RIMS1: variants seen among roughly 807,000 people sequenced by gnomAD.
RIMS1 encodes regulating synaptic membrane exocytosis 1.
Under a neutral mutation model 214.1 loss-of-function variants are expected in RIMS1, and 83 were observed. The ratio of observed to expected loss-of-function variants is 0.39; its 90% CI spans 0.32 to 0.47. The LOEUF is 0.47. Among genes scored for constraint, RIMS1 ranks in the 20% least tolerant of loss-of-function variants. The probability of loss-of-function intolerance (pLI) is 0.99; values close to 1 mark genes in which losing one functional copy is unlikely to be tolerated. For synonymous variants in RIMS1, 793 were observed against 786.8 expected, an observed-to-expected ratio of 1.01 and a Z score of -0.13; for missense variants, 2,050 against 2,161.8, an observed-to-expected ratio of 0.95 and a Z score of 1.03.
intron 26 of RIMS1, among the ~76,000 whole-genome samples, chr6:72,300,635 G>T (rs1303288373): frequency 2.0e-5 from 3 of 151,768 alleles, no homozygotes; most frequent in Non-Finnish European, 4.4e-5. Flanking sequence ...CATCTTATGG[G>T]AGATAGTGTT....
At chr6:72,020,418 C>T (rs945620171) in intron 2 of RIMS1, among the ~76,000 whole-genome samples, 1 of 152,174 alleles carries the variant, frequency 6.6e-6, no homozygotes, top group African/African-American at 2.4e-5. Context: ...AAGCCATGTT[C>T]TAAACCCAAG....
At chr6:72,250,185 A>C (rs1299994146) in intron 12 of RIMS1, 145 bp from the exon 13 acceptor site, 2 of 728,170 alleles carry the variant, frequency 2.7e-6, no homozygotes, top group Admixed American at 3.4e-5. Context: ...TATGCTTTCA[A>C]ATTGGTGTGT....
At chr6:72,117,431 T>TTA (rs2037309084) in intron 4 of RIMS1, among the ~76,000 whole-genome samples, 1 of 151,952 alleles carries the variant, frequency 6.6e-6, no homozygotes, top group Admixed American at 6.6e-5. Context: ...TTGTTGACTT[T>TTA]CTCTCTTGAT....
intron 1 of RIMS1, among the ~76,000 whole-genome samples, chr6:71,942,376 A>G (rs1786429375): frequency 6.6e-6 from 1 of 152,210 alleles, no homozygotes; most frequent in South Asian, 2.1e-4. Context: ...TGATCACTCT[A>G]AATTTAGTTA....
chr6:72,177,490 G>T (rs1445920432), intron 4 of RIMS1, among the ~76,000 whole-genome samples: 1 of 152,120 alleles, frequency 6.6e-6, no homozygotes, highest in South Asian at 2.1e-4. Flanking sequence ...GACCTCAGAA[G>T]ATCTGCTCCC....
rs1394442473 is a variant in RIMS1 at position 71,984,874 on chromosome 6, G to A, written c.245+15811G>A. ...TATCCATCTATCTATAAGCTGATGA[G>A]GGTGGTATAAAAGGAAAGTCCAACA... On this transcript the variant is annotated intron_variant, in intron 2 of 33. Transcript: ENST00000521978. 2.6e-5 allele frequency among the ~76,000 whole-genome samples: 4 copies of A among 151,762 alleles called. No homozygotes were observed. The East Asian group carries it at 7.7e-4, about 29-fold the overall frequency.
intron 4 of RIMS1, among the ~76,000 whole-genome samples, chr6:72,166,847 T>C (rs1169590028): frequency 6.6e-6 from 1 of 152,218 alleles, no homozygotes; most frequent in Non-Finnish European, 1.5e-5. Flanking sequence ...TAGATTTTTT[T>C]TGGATTTCCT....
At chr6:72,218,379 CCTT>C (rs1277146768) in intron 6 of RIMS1, among the ~76,000 whole-genome samples, 1 of 152,098 alleles carries the variant, frequency 6.6e-6, no homozygotes, top group Non-Finnish European at 1.5e-5. Context: ...AGAGCTCCTG[CCTT>C]CTTTTCTCAG....
intron 2 of RIMS1, among the ~76,000 whole-genome samples, chr6:71,994,400 G>A (rs1802770930): frequency 6.6e-6 from 1 of 152,076 alleles, no homozygotes; most frequent in Non-Finnish European, 1.5e-5. Context: ...CTAGATAATT[G>A]TCATTGGAAG....
intron 26 of RIMS1, among the ~76,000 whole-genome samples, chr6:72,293,049 C>T (rs2093626874): frequency 1.3e-5 from 2 of 151,884 alleles, no homozygotes; most frequent in African/African-American, 2.4e-5. Flanking sequence ...TCAAAGATCT[C>T]AGAAGGTAAA....
At chr6:72,009,414 G>A (rs1215722065) in intron 2 of RIMS1, among the ~76,000 whole-genome samples, 3 of 152,014 alleles carry the variant, frequency 2.0e-5, no homozygotes, top group Admixed American at 6.6e-5. Flanking sequence ...AATTAAAAGA[G>A]CTAGAGAAGC....
chr6:72,161,513 T>C (rs1279697879), intron 4 of RIMS1, among the ~76,000 whole-genome samples: 1 of 140,588 alleles, frequency 7.1e-6, no homozygotes. Flanking sequence ...CTGCTTTCTC[T>C]TGTGGGCATT....
At chr6:72,037,938 G>T (rs2152060639) in intron 2 of RIMS1, among the ~76,000 whole-genome samples, 1 of 150,818 alleles carries the variant, frequency 6.6e-6, no homozygotes, top group Non-Finnish European at 1.5e-5. Flanking sequence ...GTCCTGAACT[G>T]CACCTCGAGT....
rs1337105066 is a variant in RIMS1, at chr6:72,163,541, T to C, written c.472-16034T>C. ...ATCTACCTTTGGTCTTTGATGATGG[T>C]GATGTATAAATGGGTTTTTGGTGTG... On this transcript the variant is annotated intron_variant, in intron 4 of 33. Coordinates refer to ENST00000521978, the MANE Select transcript of RIMS1 (RefSeq NM_014989.7). Among the ~76,000 whole-genome samples, 2 of 140,544 alleles carry C rather than the reference T, an allele frequency of 1.4e-5. 1 individual carries two copies. Among genetic ancestry groups the C allele is most frequent in the Non-Finnish European group, 3.2e-5 (2 of 61,872 alleles). The allele number at this position is 140,544 out of a possible 152,430, so 92.2% of individuals were successfully genotyped here.
chr6:72,217,251 A>G (rs1022699392), intron 6 of RIMS1: 2 of 1,528,340 alleles, frequency 1.3e-6, no homozygotes, highest in Non-Finnish European at 1.8e-6. Context: ...CAGGTAAACT[A>G]AATTATATTA....
chr6:71,927,210 T>C lies in RIMS1; in HGVS notation c.164+40023T>C, dbSNP rs146840624. ...CTTTCTCAATACCTGTGTACCACTC[T>C]ACTCTCTTCAGCAACCTTCTATTTT... On this transcript the variant is annotated intron_variant, in intron 1 of 33. Transcript: ENST00000521978. 4.6e-3 allele frequency among the ~76,000 whole-genome samples: 694 copies of C among 152,306 alleles called. 5 individuals are homozygous for C. The highest frequency in any genetic ancestry group is 0.016 in the African/African-American group (650 of 41,572).
intron 2 of RIMS1, among the ~76,000 whole-genome samples, chr6:72,011,574 T>C (rs1339900605): frequency 6.6e-6 from 1 of 152,108 alleles, no homozygotes; most frequent in African/African-American, 2.4e-5. Flanking sequence ...TTTTGCAATC[T>C]ACTCATCTGA....
chr6:72,086,434 A>G (rs1834672843), intron 2 of RIMS1, among the ~76,000 whole-genome samples: 1 of 152,212 alleles, frequency 6.6e-6, no homozygotes, highest in African/African-American at 2.4e-5. Flanking sequence ...ACACTGCTGT[A>G]AAAGCGATTT....
At chr6:72,014,864 A>T (rs1049581405) in intron 2 of RIMS1, among the ~76,000 whole-genome samples, 7 of 152,292 alleles carry the variant, frequency 4.6e-5, no homozygotes, top group Non-Finnish European at 2.9e-5. Flanking sequence ...TCCTTTCATG[A>T]TATATCCTCT....
Sources: gnomAD v4.1 joint callset for allele counts (sites outside exome capture counted in the v4.1 genomes callset) on GRCh38, gnomAD v4.1.1 for gene constraint, MANE v1.5 for transcripts, NCBI Gene and HGNC (gene_info 2026-07-23, HGNC 2026-07-21) for gene names.